Variants in ANKRD36C observed in about 807,000 individuals in gnomAD.
ANKRD36C encodes ankyrin repeat domain 36C.
Under a neutral mutation model 276.4 loss-of-function variants are expected in ANKRD36C, and 61 were observed. The observed-to-expected ratio is 0.22, with a 90% CI of 0.18 to 0.27. The LOEUF is 0.27. Among genes scored for constraint, ANKRD36C ranks in the 10% least tolerant of loss-of-function variants. ANKRD36C has a pLI of 1.00. For synonymous variants in ANKRD36C, 483 were observed against 680.1 expected (o/e 0.71, Z 4.51); for missense variants, 1,447 against 2,032.3 (o/e 0.71, Z 5.54).
chr2:95,916,154 G>A (rs758910862), exon 37 of ANKRD36C: 4 of 1,605,054 alleles, frequency 2.5e-6, no homozygotes, highest in Non-Finnish European at 1.7e-6. Context: ...TTCAAGGCTG[G>A]TTTTTTCCGA....
At chr2:95,943,702 GATTC>G (rs1232411188) in intron 19 of ANKRD36C, among the ~76,000 whole-genome samples, 1 of 151,764 alleles carries the variant, frequency 6.6e-6, no homozygotes, top group Admixed American at 6.6e-5. Context: ...AAAAAGTAAT[GATTC>G]ATTCAAAATC....
At chr2:95,927,165 C>T (rs770492455) in intron 28 of ANKRD36C, 49 bp downstream of exon 28, 7 of 1,603,376 alleles carry the variant, frequency 4.4e-6, no homozygotes, top group Non-Finnish European at 6.0e-6. Context: ...AAGAGAAGTA[C>T]TTTTCTATCT....
In ANKRD36C at chr2:95,925,833, T is replaced by G. The variant is rs559885748; in HGVS notation, c.1940-286A>C. On this transcript the variant is annotated intron_variant, in intron 28 of 66. Transcript: ENST00000456556. ...ATATCAATGTGGATATGCCGAATGA[T>G]GAAAAGAAATGTGATCTAAAATCAG... is the stretch of plus-strand genomic sequence containing the variant. Among the ~76,000 whole-genome samples the G allele has an allele frequency of 2.0e-5, 3 of 151,694 alleles. No individual in the cohort carries two copies. In the East Asian group the frequency reaches 5.8e-4, roughly 30 times the overall value.
chr2:95,866,084 A>T (rs556283858), intron 60 of ANKRD36C, among the ~76,000 whole-genome samples: 2 of 152,304 alleles, frequency 1.3e-5, no homozygotes, highest in African/African-American at 4.8e-5. Context: ...GGCTGTCCAT[A>T]TCCAAAAAGT....
intron 3 of ANKRD36C, among the ~76,000 whole-genome samples, chr2:95,983,210 G>A (rs988370343): frequency 3.3e-5 from 5 of 151,462 alleles, no homozygotes; most frequent in Admixed American, 6.6e-5. Flanking sequence ...TCTTTAATTC[G>A]GAGAGCCGGG....
exon 3 of ANKRD36C, chr2:95,986,775 A>C: frequency 1.2e-6 from 2 of 1,611,980 alleles, no homozygotes; most frequent in South Asian, 2.2e-5. Context: ...CAATATTTGC[A>C]CCATATGAAA....
intron 60 of ANKRD36C, among the ~76,000 whole-genome samples, chr2:95,866,926 T>A (rs917082804): frequency 2.6e-5 from 4 of 152,174 alleles, no homozygotes; most frequent in African/African-American, 9.7e-5. Flanking sequence ...CCTAAGGCAC[T>A]GGCTGTGACA....
At chr2:95,922,484 T>C (rs1677298475) in intron 32 of ANKRD36C, among the ~76,000 whole-genome samples, 1 of 151,614 alleles carries the variant, frequency 6.6e-6, no homozygotes, top group South Asian at 2.1e-4. Context: ...CAAAGTATGA[T>C]ATATAAACCT....
At chr2:95,959,143 A>C (rs1302685016) in intron 10 of ANKRD36C, among the ~76,000 whole-genome samples, 2 of 152,294 alleles carry the variant, frequency 1.3e-5, no homozygotes, top group African/African-American at 4.8e-5. Flanking sequence ...GCAGGTGATT[A>C]ATGCTCCTGC....
At chr2:95,942,461 A>C (rs1395525608) in intron 19 of ANKRD36C, among the ~76,000 whole-genome samples, 2 of 152,310 alleles carry the variant, frequency 1.3e-5, no homozygotes, top group Non-Finnish European at 2.9e-5. Flanking sequence ...ATTTTTAAAA[A>C]ATCATCTTAA....
Position 95,903,207 on chromosome 2 carries a change from A to C in ANKRD36C, c.2654-3871T>G. The C allele has an allele frequency of 2.7e-6, 4 of 1,455,260 alleles. 1 individual carries two copies. The highest frequency in any genetic ancestry group is 3.7e-6 in the Non-Finnish European group (4 of 1,067,766). The allele number at this position is 1,455,260 out of a possible 1,614,324, so 90.1% of individuals were successfully genotyped here. ...ATTAGCGTAGGCTTTGATGGCTTCT[A>C]CTTTGTGTCTGGGGACTAGAACATG... On this transcript the variant is annotated intron_variant, in intron 42 of 66. Transcript: ENST00000456556.
At chr2:95,965,538 C>A (rs1032837021) in intron 6 of ANKRD36C, among the ~76,000 whole-genome samples, 1 of 152,124 alleles carries the variant, frequency 6.6e-6, no homozygotes, top group Non-Finnish European at 1.5e-5. Context: ...GCAATCAACA[C>A]AGCCATGGGA....
At chr2:95,954,407 T>A (rs1467000763) in intron 13 of ANKRD36C, among the ~76,000 whole-genome samples, 2 of 152,244 alleles carry the variant, frequency 1.3e-5, no homozygotes, top group East Asian at 3.9e-4. Context: ...CCTGATAACC[T>A]AAAACAAGGT....
chr2:95,859,525 A>C (rs1481725781), intron 61 of ANKRD36C, among the ~76,000 whole-genome samples: 1 of 152,218 alleles, frequency 6.6e-6, no homozygotes, highest in Non-Finnish European at 1.5e-5. Context: ...AAATGTAGAA[A>C]ACTATGTGTA....
chr2:95,917,144 A>C (rs1280376184), intron 36 of ANKRD36C, among the ~76,000 whole-genome samples: 1 of 151,646 alleles, frequency 6.6e-6, no homozygotes, highest in East Asian at 2.0e-4. Context: ...TTTTATAAGT[A>C]AAGTCAACAA....
intron 32 of ANKRD36C, 38 bp from the exon 33 acceptor site, chr2:95,921,848 T>C (rs773270496): frequency 4.5e-6 from 7 of 1,572,648 alleles, no homozygotes; most frequent in Non-Finnish European, 5.2e-6. Context: ...TATGTAAATA[T>C]GATACATTTT....
intron 48 of ANKRD36C, among the ~76,000 whole-genome samples, chr2:95,889,475 T>C (rs1323680554): frequency 6.6e-6 from 1 of 151,596 alleles, no homozygotes; most frequent in Non-Finnish European, 1.5e-5. Context: ...TATTACTTCA[T>C]CTCTTTCTCT....
chr2:95,969,655 T>C (rs1235855526), intron 6 of ANKRD36C, among the ~76,000 whole-genome samples: 13 of 152,212 alleles, frequency 8.5e-5, no homozygotes, highest in Admixed American at 7.2e-4. Flanking sequence ...GATGATCTTC[T>C]TTCTGACATA....
chr2:95,916,195 A>G (rs1400593046), intron 36 of ANKRD36C, 24 bp from the exon 39 acceptor site: 1 of 1,603,284 alleles, frequency 6.2e-7, no homozygotes, highest in Non-Finnish European at 8.5e-7. Context: ...GGGACACGTA[A>G]TCACTCACTC....
Sources: allele counts gnomAD v4.1 joint callset (sites outside exome capture counted in the v4.1 genomes callset), GRCh38; gene constraint gnomAD v4.1.1; transcripts MANE v1.5; gene names NCBI Gene and HGNC (gene_info 2026-07-23, HGNC 2026-07-21).